RPS6KC1: variants seen among roughly 807,000 people sequenced by gnomAD.
RPS6KC1 encodes the protein inactive ribosomal protein S6 kinase delta-1.
RPS6KC1 carries 54 observed loss-of-function variants against 103.8 expected under a neutral mutation model. The ratio of observed to expected loss-of-function variants is 0.52; its 90% CI spans 0.42 to 0.65. The LOEUF is 0.65. Ranked by LOEUF, RPS6KC1 falls within the 30% of genes least tolerant of loss-of-function variation. The pLI is 0.00. For missense variants in RPS6KC1, 1,151 were observed against 1,253.8 expected (o/e 0.92, Z 1.24); for synonymous variants, 439 against 438.7 (o/e 1.00, Z -0.01).
At chr1:213,079,769 G>A (rs548798530) in intron 3 of RPS6KC1, among the ~76,000 whole-genome samples, 26 of 151,846 alleles carry the variant, frequency 1.7e-4, no homozygotes, top group African/African-American at 6.0e-4. Flanking sequence ...AAAACACAAA[G>A]GTAGTATTGA....
the RPS6KC1 span, among the ~76,000 whole-genome samples, chr1:213,341,825 A>G: frequency 6.6e-5 from 10 of 152,210 alleles, no homozygotes; most frequent in African/African-American, 2.2e-4. Context: ...TTGAATTTCA[A>G]TGATTGACTC....
the RPS6KC1 span, among the ~76,000 whole-genome samples, chr1:213,343,412 T>TACAC: frequency 3.6e-5 from 1 of 27,472 alleles, no homozygotes; most frequent in Non-Finnish European, 1.0e-4. Flanking sequence ...TATATATATA[T>TACAC]ATATATATAT....
intron 13 of RPS6KC1, 33 bp downstream of exon 13, chr1:213,261,673 C>T (rs1437456290): frequency 1.9e-6 from 3 of 1,539,960 alleles, no homozygotes; most frequent in East Asian, 2.2e-5. Context: ...AATAAATTTA[C>T]TCAGATGCTA....
At chr1:213,806,264 A>G in the RPS6KC1 span, among the ~76,000 whole-genome samples, 14,553 of 152,158 alleles carry the variant, frequency 0.096, 1,187 homozygotes, top group East Asian at 0.21. Flanking sequence ...CCTGGGAGGC[A>G]GAGCTTGCAG....
chr1:213,381,905 C>T, the RPS6KC1 span, among the ~76,000 whole-genome samples: 3 of 152,230 alleles, frequency 2.0e-5, no homozygotes, highest in South Asian at 2.1e-4. Flanking sequence ...GAGACACCCT[C>T]GTGCAGCTTC....
At chr1:213,128,051 T>G (rs2085186727) in intron 5 of RPS6KC1, among the ~76,000 whole-genome samples, 1 of 152,208 alleles carries the variant, frequency 6.6e-6, no homozygotes, top group Admixed American at 6.5e-5. Context: ...TTTGGTGTAG[T>G]ATCAAAGAAC....
chr1:213,129,153 G>C (rs1394084651), intron 5 of RPS6KC1, among the ~76,000 whole-genome samples: 1 of 152,128 alleles, frequency 6.6e-6, no homozygotes, highest in African/African-American at 2.4e-5. Context: ...AAAAAAAAGA[G>C]AGCTGAGATT....
the RPS6KC1 span, among the ~76,000 whole-genome samples, chr1:213,298,088 A>C: frequency 2.8e-4 from 43 of 152,348 alleles, no homozygotes; most frequent in African/African-American, 1.0e-3. Context: ...ACTTGGGGGC[A>C]TCTTCAGCCT....
At chr1:213,670,957 G>A in the RPS6KC1 span, among the ~76,000 whole-genome samples, 1 of 152,152 alleles carries the variant, frequency 6.6e-6, no homozygotes, top group African/African-American at 2.4e-5. Flanking sequence ...TTGGTGAGGG[G>A]TTCCATCCTG....
At chr1:213,464,780 T>C in the RPS6KC1 span, among the ~76,000 whole-genome samples, 1 of 144,656 alleles carries the variant, frequency 6.9e-6, no homozygotes, top group African/African-American at 2.6e-5. Context: ...TATTTGCAGG[T>C]TTTTTTTTTT....
chr1:213,589,938 G>GGTGTGTGT, the RPS6KC1 span, among the ~76,000 whole-genome samples: 257 of 132,814 alleles, frequency 1.9e-3, 2 homozygotes, highest in East Asian at 0.016. Flanking sequence ...AAAAGGTAGT[G>GGTGTGTGT]GTGTGTGTGT....
At chr1:213,734,927 TTG>T in the RPS6KC1 span, among the ~76,000 whole-genome samples, 2 of 151,510 alleles carry the variant, frequency 1.3e-5, no homozygotes, top group African/African-American at 2.4e-5. Context: ...TTGTTGTTGT[TTG>T]TTGTTGTTGT....
the RPS6KC1 span, among the ~76,000 whole-genome samples, chr1:213,759,891 A>G: frequency 2.0e-4 from 30 of 152,280 alleles, no homozygotes; most frequent in African/African-American, 5.8e-4. Context: ...CACAGAGCCA[A>G]TGCACTCCCA....
the RPS6KC1 span, among the ~76,000 whole-genome samples, chr1:213,713,261 G>A: frequency 8.5e-5 from 13 of 152,142 alleles, no homozygotes; most frequent in African/African-American, 1.2e-4. Flanking sequence ...GTTTCATATC[G>A]TCCAAATTAA....
At chr1:213,363,405 T>A in the RPS6KC1 span, among the ~76,000 whole-genome samples, 65,050 of 152,102 alleles carry the variant, frequency 0.43, 16,696 homozygotes, top group African/African-American at 0.71. Flanking sequence ...GCACCTGCTC[T>A]AGGATGTCAA....
chr1:213,281,821 C>T, the RPS6KC1 span, among the ~76,000 whole-genome samples: 2 of 152,216 alleles, frequency 1.3e-5, no homozygotes, highest in Non-Finnish European at 2.9e-5. Flanking sequence ...CAAAACAACT[C>T]GCTGGGTTTA....
Position 213,117,213 on chromosome 1 carries a change from G to A in RPS6KC1, c.379-104G>A, listed in dbSNP as rs555280604. 3.9e-5 allele frequency: 25 copies of A among 644,954 alleles called. 2 individuals carry two copies. In the Admixed American group the frequency reaches 5.2e-4, roughly 13 times the overall value. The allele number at this position is 644,954 out of a possible 1,614,324, so 40.0% of individuals were successfully genotyped here. A position where few individuals can be genotyped will look rare whatever the true frequency, so the allele number is the denominator to read the frequency against. On this transcript the variant is annotated intron_variant, in intron 4 of 14. Coordinates refer to ENST00000366960, the MANE Select transcript of RPS6KC1 (RefSeq NM_012424.6). ...TCTAGTTTAATAGATTAGTATAGTC[G>A]TTTCTGTACATCTTTACACATACTT...
At chr1:213,491,029 G>T in the RPS6KC1 span, among the ~76,000 whole-genome samples, 1 of 152,192 alleles carries the variant, frequency 6.6e-6, no homozygotes, top group Non-Finnish European at 1.5e-5. Context: ...ACAGTTTGGA[G>T]CTGTGTTTGA....
the RPS6KC1 span, among the ~76,000 whole-genome samples, chr1:213,355,028 G>A: frequency 1.3e-5 from 2 of 152,162 alleles, no homozygotes; most frequent in Non-Finnish European, 2.9e-5. Context: ...GGCCAGCCTG[G>A]CCAACATGGT....
Sources: gnomAD v4.1 joint callset for allele counts (sites outside exome capture counted in the v4.1 genomes callset) on GRCh38, gnomAD v4.1.1 for gene constraint, MANE v1.5 for transcripts, NCBI Gene and HGNC (gene_info 2026-07-23, HGNC 2026-07-21) for gene names.